The following RIMS2 variants were observed in gnomAD, a reference collection of about 807,000 sequenced individuals.
The protein encoded by RIMS2 is regulating synaptic membrane exocytosis 2.
In RIMS2, 59 loss-of-function variants were observed where a neutral mutation model predicts 174.4. The ratio of observed to expected loss-of-function variants is 0.34; its 90% CI spans 0.27 to 0.42. The LOEUF is 0.42. RIMS2 is among the 10% of genes least tolerant of loss of function. RIMS2 has a pLI of 1.00. For synonymous variants in RIMS2, 606 were observed against 572.5 expected (o/e 1.06, Z -0.84); for missense variants, 1,620 against 1,666.3 (o/e 0.97, Z 0.48).
chr8:103,905,193 T>G lies in RIMS2; in HGVS notation c.1625-4941T>G, dbSNP rs1471343503. 2.0e-5 allele frequency among the ~76,000 whole-genome samples: 3 copies of G among 152,128 alleles called. No homozygotes were observed. In the East Asian group the frequency reaches 5.8e-4, roughly 29 times the overall value. Reference sequence around the variant, plus strand: ...CCCATATTTTTGTTTAGTATCTTTATTTCTTCTTGATACTTTCAGATTCCT... The same window carrying G: ...CCCATATTTTTGTTTAGTATCTTTAGTTCTTCTTGATACTTTCAGATTCCT... On this transcript the variant is annotated intron_variant, in intron 4 of 23. Transcript: ENST00000504942.
chr8:103,743,910 T>A (rs976873806), intron 2 of RIMS2, among the ~76,000 whole-genome samples: 12 of 152,230 alleles, frequency 7.9e-5, no homozygotes, highest in African/African-American at 2.9e-4. Flanking sequence ...ATTGAGAGAA[T>A]CAAATGATTT....
At chr8:103,980,288 G>A (rs543031962) in intron 16 of RIMS2, among the ~76,000 whole-genome samples, 13 of 152,196 alleles carry the variant, frequency 8.5e-5, no homozygotes, top group African/African-American at 2.4e-4. Context: ...AGAAGCCCCC[G>A]TTCTAGGCCC....
At chr8:103,942,250 G>GT (rs1446620583) in intron 13 of RIMS2, among the ~76,000 whole-genome samples, 1 of 152,066 alleles carries the variant, frequency 6.6e-6, no homozygotes, top group East Asian at 1.9e-4. Flanking sequence ...GTGGTATTTG[G>GT]TTTTTTGTTC....
At chr8:104,026,611 T>C (rs975323037) in intron 19 of RIMS2, among the ~76,000 whole-genome samples, 1 of 146,548 alleles carries the variant, frequency 6.8e-6, no homozygotes, top group African/African-American at 2.6e-5. Context: ...ACAGATAACC[T>C]TATAAATAAG....
intron 2 of RIMS2, among the ~76,000 whole-genome samples, chr8:103,742,093 C>T (rs559167068): frequency 4.6e-5 from 7 of 152,160 alleles, no homozygotes; most frequent in African/African-American, 2.4e-5. Context: ...GACTCAACTT[C>T]TTAAGAACAG....
intron 1 of RIMS2, among the ~76,000 whole-genome samples, chr8:103,633,328 T>G (rs1327909019): frequency 6.6e-6 from 1 of 151,948 alleles, no homozygotes; most frequent in Non-Finnish European, 1.5e-5. Context: ...ATTACAGGTG[T>G]GAGCCACCAT....
At chr8:103,635,662 C>A (rs973984445) in intron 1 of RIMS2, among the ~76,000 whole-genome samples, 10 of 152,170 alleles carry the variant, frequency 6.6e-5, no homozygotes, top group African/African-American at 2.4e-4. Flanking sequence ...GCTGGAGACC[C>A]CAGTTAGGAG....
intron 1 of RIMS2, among the ~76,000 whole-genome samples, chr8:103,547,284 T>A (rs1167404115): frequency 6.6e-6 from 1 of 152,200 alleles, no homozygotes; most frequent in Non-Finnish European, 1.5e-5. Flanking sequence ...TCTAGAGCTC[T>A]GTATCTTGTC....
intron 1 of RIMS2, among the ~76,000 whole-genome samples, chr8:103,639,460 C>T (rs1226526010): frequency 6.6e-6 from 1 of 151,838 alleles, no homozygotes; most frequent in Non-Finnish European, 1.5e-5. Context: ...ATACTTCCCT[C>T]TTTCATTGAC....
intron 3 of RIMS2, among the ~76,000 whole-genome samples, chr8:103,869,505 T>C (rs557752470): frequency 1.3e-5 from 2 of 152,074 alleles, no homozygotes; most frequent in East Asian, 1.9e-4. Context: ...CTAATTTTTG[T>C]AGAAACGGAG....
intron 19 of RIMS2, among the ~76,000 whole-genome samples, chr8:104,215,423 T>C (rs935499304): frequency 6.6e-6 from 1 of 152,236 alleles, no homozygotes; most frequent in African/African-American, 2.4e-5. Context: ...AGTAAATGAA[T>C]AGTGAATGAA....
At chr8:103,975,491 T>C (rs2093333811) in exon 16 of RIMS2, 1 of 1,612,940 alleles carries the variant, frequency 6.2e-7, no homozygotes, top group African/African-American at 1.3e-5. Context: ...TCACCCAGTG[T>C]CCCTCCTCCA....
At chr8:103,951,440 T>G (rs1358329607) in intron 14 of RIMS2, among the ~76,000 whole-genome samples, 4 of 152,226 alleles carry the variant, frequency 2.6e-5, no homozygotes, top group South Asian at 4.1e-4. Flanking sequence ...TGCTTGGAAG[T>G]GGGTGCAGCC....
At chr8:104,190,516 G>T (rs1410120726) in intron 19 of RIMS2, among the ~76,000 whole-genome samples, 1 of 152,012 alleles carries the variant, frequency 6.6e-6, no homozygotes, top group Non-Finnish European at 1.5e-5. Context: ...TGTCTTGCCT[G>T]AATTTCCTTT....
chr8:103,720,724 C>A (rs1394672225), intron 2 of RIMS2, among the ~76,000 whole-genome samples: 1 of 152,064 alleles, frequency 6.6e-6, no homozygotes, highest in African/African-American at 2.4e-5. Context: ...ATTATTTAGA[C>A]AGCATACTAT....
At chr8:103,589,383 A>C (rs552847086) in intron 1 of RIMS2, among the ~76,000 whole-genome samples, 4 of 151,814 alleles carry the variant, frequency 2.6e-5, no homozygotes, top group African/African-American at 9.6e-5. Flanking sequence ...GTGAGATATC[A>C]TCTCACTCCA....
intron 19 of RIMS2, among the ~76,000 whole-genome samples, chr8:104,020,878 G>T (rs2096069090): frequency 6.6e-6 from 1 of 151,934 alleles, no homozygotes; most frequent in Non-Finnish European, 1.5e-5. Context: ...ACTTAGATTT[G>T]ATTTTCCTAT....
chr8:103,561,915 C>T (rs1367586421), intron 1 of RIMS2, among the ~76,000 whole-genome samples: 1 of 152,162 alleles, frequency 6.6e-6, no homozygotes, highest in Non-Finnish European at 1.5e-5. Context: ...TTACATGTTA[C>T]AAGGATAGTG....
At chr8:103,749,644 G>C (rs946107882) in intron 2 of RIMS2, among the ~76,000 whole-genome samples, 4 of 151,962 alleles carry the variant, frequency 2.6e-5, no homozygotes, top group African/African-American at 9.7e-5. Context: ...CTTATTACTG[G>C]AAGTAAATAT....
Sources: gnomAD v4.1 joint callset for allele counts (sites outside exome capture counted in the v4.1 genomes callset) on GRCh38, gnomAD v4.1.1 for gene constraint, MANE v1.5 for transcripts, NCBI Gene and HGNC (gene_info 2026-07-23, HGNC 2026-07-21) for gene names.